Variants in CSGALNACT1 observed in about 807,000 individuals in gnomAD.
CSGALNACT1 encodes chondroitin sulfate N-acetylgalactosaminyltransferase 1, also known as beta4GalNAcT-1.
Under a neutral mutation model 51.0 loss-of-function variants are expected in CSGALNACT1, and 52 were observed. The ratio of observed to expected loss-of-function variants is 1.02; its 90% CI spans 0.82 to 1.29. The LOEUF is 1.29. Ranked by LOEUF, CSGALNACT1 falls within the 50% of genes most tolerant of loss-of-function variation. CSGALNACT1 has a pLI of 0.00. For synonymous variants in CSGALNACT1, 341 were observed against 254.4 expected, an observed-to-expected ratio of 1.34 and a Z score of -3.24; for missense variants, 935 against 679.2, an observed-to-expected ratio of 1.38 and a Z score of -4.19.
intron 2 of CSGALNACT1, among the ~76,000 whole-genome samples, chr8:19,593,249 A>C (rs1252028627): frequency 6.6e-6 from 1 of 152,246 alleles, no homozygotes; most frequent in Non-Finnish European, 1.5e-5. Context: ...GCAAGTTCTC[A>C]GTCATCAGCC....
At chr8:19,712,983 G>A (rs373041380) in intron 1 of CSGALNACT1, among the ~76,000 whole-genome samples, 3 of 151,942 alleles carry the variant, frequency 2.0e-5, no homozygotes, top group African/African-American at 7.3e-5. Flanking sequence ...CCCTCAAAAC[G>A]AAAAAATACT....
intron 1 of CSGALNACT1, among the ~76,000 whole-genome samples, chr8:19,675,138 G>C (rs978694374): frequency 6.6e-6 from 1 of 152,168 alleles, no homozygotes; most frequent in Non-Finnish European, 1.5e-5. Context: ...TTAAAGTCAT[G>C]GAGCTATCAT....
chr8:19,585,158 T>C (rs1227736000), intron 3 of CSGALNACT1: 2 of 152,260 alleles, frequency 1.3e-5, no homozygotes, highest in African/African-American at 4.8e-5. Flanking sequence ...TCACAGTGCT[T>C]GGCTCACCTT....
chr8:19,618,653 A>AAGAAAGAAAG (rs1554765868), intron 1 of CSGALNACT1, among the ~76,000 whole-genome samples: 2 of 91,354 alleles, frequency 2.2e-5, no homozygotes, highest in African/African-American at 1.2e-4. Flanking sequence ...AAAAAAAAAA[A>AAGAAAGAAAG]AAAGAAAGAA....
At chr8:19,464,128 A>T (rs2066150439) in intron 4 of CSGALNACT1, among the ~76,000 whole-genome samples, 1 of 152,132 alleles carries the variant, frequency 6.6e-6, no homozygotes, top group Admixed American at 6.5e-5. Context: ...AAAACGTTAC[A>T]CATTACACTC....
At chr8:19,634,534 C>T (rs1056334070) in intron 1 of CSGALNACT1, among the ~76,000 whole-genome samples, 1 of 152,148 alleles carries the variant, frequency 6.6e-6, no homozygotes, top group Non-Finnish European at 1.5e-5. Flanking sequence ...TGGTGATGCA[C>T]ACCGGTAGTC....
intron 1 of CSGALNACT1, among the ~76,000 whole-genome samples, chr8:19,629,914 A>C (rs1362577947): frequency 1.3e-5 from 2 of 152,204 alleles, no homozygotes; most frequent in Admixed American, 6.5e-5. Context: ...TAAAGATGAG[A>C]AATTCTGAGA....
intron 4 of CSGALNACT1, among the ~76,000 whole-genome samples, chr8:19,504,855 T>C (rs1043105691): frequency 2.0e-5 from 3 of 152,254 alleles, no homozygotes; most frequent in African/African-American, 7.2e-5. Flanking sequence ...GTTCATGAGC[T>C]TGCTAACCAA....
chr8:19,552,985 G>A (rs987876255), intron 3 of CSGALNACT1, among the ~76,000 whole-genome samples: 2 of 152,128 alleles, frequency 1.3e-5, no homozygotes, highest in African/African-American at 2.4e-5. Context: ...GAGAACATAA[G>A]GAAGGCTCAA....
intron 1 of CSGALNACT1, among the ~76,000 whole-genome samples, chr8:19,725,086 C>T (rs951379343): frequency 1.3e-5 from 2 of 152,204 alleles, no homozygotes; most frequent in Middle Eastern, 3.2e-3. Context: ...GCTGTTTAAC[C>T]TGATGCAGGG....
At chr8:19,738,118 T>C (rs1333197748) in intron 1 of CSGALNACT1, among the ~76,000 whole-genome samples, 1 of 152,162 alleles carries the variant, frequency 6.6e-6, no homozygotes, top group Non-Finnish European at 1.5e-5. Context: ...TCTCAGCTAC[T>C]CGAGAGGCTG....
At chr8:19,507,560 T>C (rs1440664309) in intron 3 of CSGALNACT1, among the ~76,000 whole-genome samples, 1 of 133,682 alleles carries the variant, frequency 7.5e-6, no homozygotes. Context: ...AAAGAATGAT[T>C]AATGGAAAAT....
chr8:19,457,504 T>G (rs1291154847), intron 5 of CSGALNACT1: 2 of 419,380 alleles, frequency 4.8e-6, no homozygotes, highest in Non-Finnish European at 9.0e-6. Context: ...TCCCAGCTAC[T>G]TGGGAAGCTG....
chr8:19,405,488 G>C (rs1206647132), exon 10 of CSGALNACT1: 6 of 572,910 alleles, frequency 1.0e-5, no homozygotes, highest in Admixed American at 2.2e-5. Flanking sequence ...ACAGGTCTCA[G>C]TGTGTTGTAA....
At chr8:19,519,403 G>T (rs1438764137) in intron 3 of CSGALNACT1, among the ~76,000 whole-genome samples, 1 of 152,144 alleles carries the variant, frequency 6.6e-6, no homozygotes, top group Non-Finnish European at 1.5e-5. Flanking sequence ...GCTTCAATCA[G>T]CCTTACGTTG....
At chr8:19,475,033 G>C (rs1032385203) in intron 4 of CSGALNACT1, among the ~76,000 whole-genome samples, 1 of 152,122 alleles carries the variant, frequency 6.6e-6, no homozygotes, top group Non-Finnish European at 1.5e-5. Context: ...TCAGGGCCAG[G>C]GGTGCACTGC....
chr8:19,433,771 A>C (rs1021556136), intron 6 of CSGALNACT1, among the ~76,000 whole-genome samples: 6 of 152,242 alleles, frequency 3.9e-5, no homozygotes, highest in African/African-American at 1.4e-4. Context: ...AACTTTCTTT[A>C]AACATTACGA....
chr8:19,471,934 G>A (rs186072141), intron 4 of CSGALNACT1, among the ~76,000 whole-genome samples: 1 of 152,272 alleles, frequency 6.6e-6, no homozygotes, highest in East Asian at 1.9e-4. Flanking sequence ...CAGATATCAG[G>A]CTGCTCAAAA....
At chr8:19,648,655 A>C (rs2057495991) in intron 1 of CSGALNACT1, among the ~76,000 whole-genome samples, 1 of 152,092 alleles carries the variant, frequency 6.6e-6, no homozygotes, top group African/African-American at 2.4e-5. Flanking sequence ...AAAAAGTACT[A>C]AAATTAGCTG....
Sources: gnomAD v4.1 joint callset for allele counts (sites outside exome capture counted in the v4.1 genomes callset) on GRCh38, gnomAD v4.1.1 for gene constraint, MANE v1.5 for transcripts, NCBI Gene and HGNC (gene_info 2026-07-23, HGNC 2026-07-21) for gene names.